Variants in SCN11A observed in about 807,000 individuals in gnomAD.
The protein encoded by SCN11A is sodium voltage-gated channel alpha subunit 11.
A neutral mutation model predicts 162.2 loss-of-function variants in SCN11A; 122 were observed. The observed-to-expected ratio is 0.75, with a 90% CI of 0.65 to 0.87. The LOEUF is 0.87. SCN11A is among the 40% of genes least tolerant of loss of function. SCN11A has a pLI of 0.00. For synonymous variants in SCN11A, 758 were observed against 751.5 expected (o/e 1.01, Z -0.14); for missense variants, 2,015 against 2,181.6 (o/e 0.92, Z 1.52).
At chr3:38,874,220 T>C (rs996115967) in intron 23 of SCN11A, among the ~76,000 whole-genome samples, 10 of 152,240 alleles carry the variant, frequency 6.6e-5, no homozygotes, top group Admixed American at 5.2e-4. Flanking sequence ...TATATCCTTC[T>C]AAATATCGAT....
chr3:39,024,531 A>G (rs2031536449), intron 2 of SCN11A, among the ~76,000 whole-genome samples: 1 of 152,222 alleles, frequency 6.6e-6, no homozygotes, highest in South Asian at 2.1e-4. Context: ...CTAGCCATAC[A>G]AACTAGAATC....
intron 2 of SCN11A, among the ~76,000 whole-genome samples, chr3:39,022,033 A>G (rs1331658288): frequency 6.6e-6 from 1 of 152,172 alleles, no homozygotes; most frequent in African/African-American, 2.4e-5. Flanking sequence ...ATATCAATCA[A>G]CCAAGTGCCT....
At chr3:38,856,475 T>C (rs1346418400) in intron 28 of SCN11A, among the ~76,000 whole-genome samples, 8 of 152,054 alleles carry the variant, frequency 5.3e-5, no homozygotes, top group African/African-American at 1.9e-4. Flanking sequence ...GGCTGTGAGG[T>C]GAATAGCTTT....
intron 7 of SCN11A, among the ~76,000 whole-genome samples, chr3:38,938,826 AGC>A (rs1413570704): frequency 6.6e-6 from 1 of 151,284 alleles, no homozygotes; most frequent in Non-Finnish European, 1.5e-5. Flanking sequence ...GGCCTCCCAA[AGC>A]GCTGGGATTA....
intron 16 of SCN11A, among the ~76,000 whole-genome samples, chr3:38,903,399 C>CA (rs1245469195): frequency 6.6e-6 from 1 of 152,158 alleles, no homozygotes; most frequent in East Asian, 1.9e-4. Context: ...GACCAACCCC[C>CA]AAACAACCCC....
intron 4 of SCN11A, among the ~76,000 whole-genome samples, chr3:38,951,565 C>A (rs1000929696): frequency 4.6e-5 from 7 of 152,270 alleles, no homozygotes; most frequent in African/African-American, 7.2e-5. Context: ...GCAGGCAGCT[C>A]CACCTGCGGC....
intron 2 of SCN11A, among the ~76,000 whole-genome samples, chr3:39,009,264 T>G (rs1205470469): frequency 6.6e-6 from 1 of 152,164 alleles, no homozygotes; most frequent in East Asian, 1.9e-4. Flanking sequence ...CATTTAGTAT[T>G]TTCATGTATT....
intron 2 of SCN11A, among the ~76,000 whole-genome samples, chr3:39,015,238 T>C (rs1236637670): frequency 6.6e-6 from 1 of 152,210 alleles, no homozygotes; most frequent in African/African-American, 2.4e-5. Context: ...CTTTCTTCCA[T>C]GTGATAGCAT....
chr3:38,984,155 G>A (rs61285095), intron 2 of SCN11A, among the ~76,000 whole-genome samples: 21,079 of 152,094 alleles, frequency 0.14, 1,679 homozygotes, highest in African/African-American at 0.21. Flanking sequence ...TGACCATCAG[G>A]TCCTTTTCAC....
At chr3:38,867,213 A>G (rs2126092466) in intron 27 of SCN11A, 108 bp downstream of exon 27, 1 of 1,035,414 alleles carries the variant, frequency 9.7e-7, no homozygotes, top group East Asian at 2.5e-5. Context: ...GTTATTGTGC[A>G]GATCATAAAG....
In SCN11A at chr3:39,044,615, T is replaced by G. The variant is rs543831568; in HGVS notation, c.-404+7246A>C. Among the ~76,000 whole-genome samples, 5 of 152,044 alleles carry G rather than the reference T, an allele frequency of 3.3e-5. No individual in the cohort carries two copies. In the East Asian group the frequency reaches 7.7e-4, roughly 23 times the overall value. On this transcript the variant is annotated intron_variant, in intron 1 of 29. Coordinates refer to ENST00000302328, the MANE Select transcript of SCN11A (RefSeq NM_001349253.2). ...TTAAGAAGGACATTTAAAAATTAAT[T>G]GAAACAAATGAAAACAGAAACACAA...
intron 19 of SCN11A, among the ~76,000 whole-genome samples, chr3:38,894,213 T>C (rs2065547312): frequency 6.6e-6 from 1 of 152,142 alleles, no homozygotes; most frequent in Non-Finnish European, 1.5e-5. Flanking sequence ...TTCAGTTTAC[T>C]TCCCAATCCC....
Position 38,847,235 on chromosome 3 carries a change from T to G in SCN11A, c.4835A>C (p.Glu1612Ala), listed in dbSNP as rs2064686248. 1 of 1,613,990 alleles carries G rather than the reference T, an allele frequency of 6.2e-7. No individual in the cohort carries two copies. The highest frequency in any genetic ancestry group is 8.5e-7 in the Non-Finnish European group (1 of 1,179,976). ...VILENFNTAT[E>A]ESEDPLGEDD... ...TTCACCCAAAGGGTCCTCACTTTCTTCAGTGGCTGTATTGAAGTTCTCTAA... is the reference window on the plus strand; with the variant it reads ...TTCACCCAAAGGGTCCTCACTTTCTGCAGTGGCTGTATTGAAGTTCTCTAA... Residue 1612 changes from glutamate (E) to alanine (A), a missense_variant, in exon 30 of 30, where the codon GAA (glutamate) becomes GCA (alanine). Transcript: ENST00000302328.
At chr3:38,920,436 T>C (rs1042131061) in intron 10 of SCN11A, among the ~76,000 whole-genome samples, 3 of 152,144 alleles carry the variant, frequency 2.0e-5, no homozygotes, top group Admixed American at 6.5e-5. Context: ...CTCACGCCTG[T>C]AATCCCAGCA....
At chr3:38,896,693 TCAAA>T (rs1015584582) in intron 18 of SCN11A, 148 bp downstream of exon 18, 73 of 753,984 alleles carry the variant, frequency 9.7e-5, no homozygotes, top group Non-Finnish European at 1.3e-4. Context: ...CATACTTTTC[TCAAA>T]CAAAATTTGA....
At chr3:38,928,361 G>A (rs533555728) in intron 7 of SCN11A, among the ~76,000 whole-genome samples, 14 of 152,068 alleles carry the variant, frequency 9.2e-5, no homozygotes, top group Non-Finnish European at 1.9e-4. Flanking sequence ...AACACACACT[G>A]GGGCCTGTTG....
intron 2 of SCN11A, among the ~76,000 whole-genome samples, chr3:39,003,263 C>T (rs9819470): frequency 0.48 from 72,940 of 152,026 alleles, 21,379 homozygotes; most frequent in African/African-American, 0.84. Flanking sequence ...CTTCCACTTA[C>T]AGGTGAGAAC....
intron 29 of SCN11A, among the ~76,000 whole-genome samples, chr3:38,848,828 G>T (rs375502591): frequency 5.3e-5 from 8 of 152,218 alleles, no homozygotes; most frequent in African/African-American, 1.9e-4. Flanking sequence ...CAACTAGATT[G>T]TTAACTCCTA....
rs187121877 is a variant in SCN11A at position 38,964,923 on chromosome 3, G to A, written c.-279-4500C>T. Among the ~76,000 whole-genome samples the A allele has an allele frequency of 2.3e-3, 347 of 152,312 alleles. 3 individuals carry two copies. Among genetic ancestry groups the A allele is most frequent in the African/African-American group, 7.7e-3 (320 of 41,570 alleles). ...CCAAGTCTTCTGTTTCCCTGATGTG[G>A]GCCACTGCTGACATCCATGCAAATA... On this transcript the variant is annotated intron_variant, in intron 2 of 29. Coordinates refer to ENST00000302328, the MANE Select transcript of SCN11A (RefSeq NM_001349253.2).
Sources: allele counts gnomAD v4.1 joint callset (sites outside exome capture counted in the v4.1 genomes callset), GRCh38; gene constraint gnomAD v4.1.1; transcripts MANE v1.5; gene names NCBI Gene and HGNC (gene_info 2026-07-23, HGNC 2026-07-21).